Variants in USP16 observed in about 807,000 individuals in gnomAD.
The protein encoded by USP16 is ubiquitin specific peptidase 16.
In USP16, 77 loss-of-function variants were observed where a neutral mutation model predicts 95.9. The ratio of observed to expected loss-of-function variants is 0.80; its 90% CI spans 0.67 to 0.97. The LOEUF is 0.97. Ranked by LOEUF, USP16 falls within the 50% of genes least tolerant of loss-of-function variation. The probability of loss-of-function intolerance (pLI) is 0.00; values close to 1 mark genes in which losing one functional copy is unlikely to be tolerated. For synonymous variants in USP16, 303 were observed against 318.2 expected (o/e 0.95, Z 0.51); for missense variants, 943 against 959.9 (o/e 0.98, Z 0.23).
At position 29,039,167 on chromosome 21, in the gene USP16, A is replaced by C. The variant is rs2085206701; in HGVS notation, c.863+11A>C. ...TCAGGTCTGTAAAAAGTGAGTATCC[A>C]CTTCGATTGTGCTTTCAGTGCCTCA... On this transcript the variant is annotated intron_variant, in intron 8 of 17. Transcript: ENST00000399976. 6.7e-7 allele frequency: 1 copy of C among 1,498,948 alleles called. No individual in the cohort carries two copies. Among genetic ancestry groups the C allele is most frequent in the South Asian group, 1.4e-5 (1 of 69,234 alleles). 92.9% of individuals were successfully genotyped at this position (1,498,948 alleles called of 1,614,324 possible). A position where few individuals can be genotyped will look rare whatever the true frequency, so the allele number is the denominator to read the frequency against.
intron 9 of USP16, among the ~76,000 whole-genome samples, chr21:29,040,138 C>T (rs1030044194): frequency 5.3e-5 from 8 of 152,142 alleles, no homozygotes; most frequent in South Asian, 4.1e-4. Flanking sequence ...TCCCTTACTT[C>T]GTTCTCACAA....
At chr21:29,036,604 A>G (rs2085160295) in intron 5 of USP16, among the ~76,000 whole-genome samples, 2 of 152,350 alleles carry the variant, frequency 1.3e-5, no homozygotes, top group Admixed American at 6.5e-5. Flanking sequence ...CATTAATGCT[A>G]AGACTAAGGT....
Position 29,047,092 on chromosome 21 carries a change from T to C in USP16, c.1782T>C (p.Ile594=). 4 of 1,614,054 alleles carry C rather than the reference T, an allele frequency of 2.5e-6. No individual in the cohort carries two copies. The highest frequency in any genetic ancestry group is 2.2e-5 in the East Asian group (1 of 44,870). ...ALHPDEINIE[I]LNDSHTPGTK... ...ATCCTGATGAAATAAATATAGAGAT[T>C]CTGAATGATAGTCATACTCCTGGAA... Residue 594 remains isoleucine (I), a synonymous_variant, in exon 14 of 18, where the codon ATT becomes ATC. Coordinates refer to ENST00000399976, the MANE Select transcript of USP16 (RefSeq NM_006447.3).
intron 4 of USP16, among the ~76,000 whole-genome samples, chr21:29,035,377 A>C (rs1266550364): frequency 4.6e-5 from 7 of 150,568 alleles, no homozygotes; most frequent in Non-Finnish European, 1.0e-4. Context: ...ACTGAATGAC[A>C]TCTTTTTTTT....
At chr21:29,032,413 C>G (rs9808746) in intron 3 of USP16, among the ~76,000 whole-genome samples, 135,785 of 152,074 alleles carry the variant, frequency 0.89, 60,953 homozygotes, top group African/African-American at 0.96. Flanking sequence ...TGTATTTTTT[C>G]TAAAGATGCG....
rs1450647523 is a variant in USP16 at position 29,043,583 on chromosome 21, C to T, written c.1340C>T (p.Ala447Val). 1.3e-6 allele frequency: 2 copies of T among 1,543,184 alleles called. No homozygotes were observed. Among genetic ancestry groups the T allele is most frequent in the Admixed American group, 4.4e-5 (2 of 45,342 alleles). ...KHLQKKAKKQ[A>V]KKQAKNQRRQ... Reference sequence around the variant, plus strand: ...TTACAGAAAAAAGCAAAGAAACAAGCCAAAAAGCAAGCCAAGGTGGGTAAT... The same window carrying T: ...TTACAGAAAAAAGCAAAGAAACAAGTCAAAAAGCAAGCCAAGGTGGGTAAT... Residue 447 changes from alanine to valine, a missense_variant, in exon 13 of 18, where the codon GCC becomes GTC. Coordinates refer to ENST00000399976, the MANE Select transcript of USP16 (RefSeq NM_006447.3).
In USP16 at chr21:29,037,382, T is replaced by C; in HGVS notation, c.555T>C (p.Pro185=). The C allele has an allele frequency of 6.2e-7, 1 of 1,610,036 alleles. No homozygotes were observed. Among genetic ancestry groups the C allele is most frequent in the Non-Finnish European group, 8.5e-7 (1 of 1,178,262 alleles). Residue 185 remains proline, a synonymous_variant, in exon 6 of 18, where the codon CCT becomes CCC. Transcript: ENST00000399976. ...EKKENMAKEN[P]PMNSPCQITV... Reference sequence around the variant, plus strand: ...AGGAAAACATGGCTAAAGAGAATCCTCCCATGAATTCTCCTTGCCAAATAA... The same window carrying C: ...AGGAAAACATGGCTAAAGAGAATCCCCCCATGAATTCTCCTTGCCAAATAA...
At chr21:29,052,087 A>G (rs1171661230) in intron 16 of USP16, 1 of 152,092 alleles carries the variant, frequency 6.6e-6, no homozygotes, top group Non-Finnish European at 1.5e-5. Flanking sequence ...GAAGTTCCCA[A>G]ACTTTAATGT....
rs768883111 is a variant in USP16 at position 29,039,136 on chromosome 21, C to CT, written c.847dup (p.Ser283PhefsTer5). ...AGGGGGTTGTGACACCGAAAGAACTCTTTTCTCAGGTCTGTAAAAAGTGAG... is the reference window on the plus strand; with the variant it reads ...AGGGGGTTGTGACACCGAAAGAACTCTTTTTCTCAGGTCTGTAAAAAGTGAG... On this transcript the variant is annotated frameshift_variant, in exon 8 of 18. Transcript: ENST00000399976. LOFTEE classifies it high-confidence loss of function. 2 of 1,577,894 alleles carry CT rather than the reference C, an allele frequency of 1.3e-6. No individual in the cohort carries two copies. The highest frequency in any genetic ancestry group is 2.3e-5 in the East Asian group (1 of 43,062).
intron 1 of USP16, among the ~76,000 whole-genome samples, chr21:29,027,396 C>T (rs148519682): frequency 1.3e-5 from 2 of 152,198 alleles, no homozygotes; most frequent in African/African-American, 4.8e-5. Context: ...TTTTCTAACT[C>T]CCTTCAGGAG....
At chr21:29,052,178 C>T (rs1177367327) in intron 16 of USP16, 1 of 152,122 alleles carries the variant, frequency 6.6e-6, no homozygotes, top group African/African-American at 2.4e-5. Context: ...AATGTAAACT[C>T]TCAGGTGATG....
In USP16 at chr21:29,054,368, C is replaced by T; in HGVS notation, c.*181C>T. On this transcript the variant is annotated 3_prime_UTR_variant, in exon 18 of 18. Coordinates refer to ENST00000399976, the MANE Select transcript of USP16 (RefSeq NM_006447.3). The stretch of plus-strand genomic sequence containing the variant: ...AAAATGTACAAAGGTTTTATATTGT[C>T]ATAGTGGTTTTTATTCCTGCTTTGT... 1 of 817,358 alleles carries T rather than the reference C, an allele frequency of 1.2e-6. No homozygotes were observed. The allele number at this position is 817,358 out of a possible 1,614,324, so 50.6% of individuals were successfully genotyped here.
Position 29,024,756 on chromosome 21 carries a change from G to C in USP16, c.-63G>C. The C allele has an allele frequency of 1.6e-6, 2 of 1,288,934 alleles. No individual in the cohort carries two copies. Among genetic ancestry groups the C allele is most frequent in the Non-Finnish European group, 2.0e-6 (2 of 988,712 alleles). 79.8% of individuals were successfully genotyped at this position (1,288,934 alleles called of 1,614,324 possible). A position where few individuals can be genotyped will look rare whatever the true frequency, so the allele number is the denominator to read the frequency against. On this transcript the variant is annotated 5_prime_UTR_variant, in exon 1 of 18. Transcript: ENST00000399976. ...GCCCAAAGGCCCATGAGGGGATGCA[G>C]TTATGGGCTCTGTCGCCGTGGGTGA... is the stretch of plus-strand genomic sequence containing the variant.
At chr21:29,045,256 C>G (rs1175885911) in intron 13 of USP16, among the ~76,000 whole-genome samples, 1 of 152,148 alleles carries the variant, frequency 6.6e-6, no homozygotes, top group African/African-American at 2.4e-5. Flanking sequence ...CTTCATTCTT[C>G]TGGTATTACA....
rs1390561691 is a variant in USP16, at chr21:29,030,793, T to A, written c.240+20T>A. 6.3e-7 allele frequency: 1 copy of A among 1,583,394 alleles called. No homozygotes were observed. The highest frequency in any genetic ancestry group is 8.6e-7 in the Non-Finnish European group (1 of 1,169,378). On this transcript the variant is annotated intron_variant, in intron 3 of 17. Transcript: ENST00000399976. ...CATCAGGTATGCTTACGTTTTAAGA[T>A]CAATATGGGATTTTAGAAAACTCTT...
At chr21:29,047,813 G>A (rs2146394961) in intron 14 of USP16, among the ~76,000 whole-genome samples, 1 of 151,828 alleles carries the variant, frequency 6.6e-6, no homozygotes, top group South Asian at 2.1e-4. Flanking sequence ...ATGTGGAGGG[G>A]CCATGGATTC....
At chr21:29,035,460 GC>G (rs2085140493) in intron 4 of USP16, among the ~76,000 whole-genome samples, 1 of 147,092 alleles carries the variant, frequency 6.8e-6, no homozygotes, top group South Asian at 2.2e-4. Context: ...CACAACCTCC[GC>G]CTCCCAGGTT....
intron 15 of USP16, 113 bp from the exon 16 acceptor site, chr21:29,049,979 T>C (rs2085389380): frequency 1.1e-6 from 1 of 923,108 alleles, no homozygotes; most frequent in African/African-American, 1.7e-5. Context: ...CCAAAGAAAA[T>C]TGAACTAGGA....
chr21:29,052,163 T>C (rs915271321), intron 16 of USP16: 1 of 152,220 alleles, frequency 6.6e-6, no homozygotes, highest in East Asian at 1.9e-4. Flanking sequence ...AAATTCTGCA[T>C]GTTTAATGTA....
Sources: gnomAD v4.1 joint callset for allele counts (sites outside exome capture counted in the v4.1 genomes callset) on GRCh38, gnomAD v4.1.1 for gene constraint, MANE v1.5 for transcripts, NCBI Gene and HGNC (gene_info 2026-07-23, HGNC 2026-07-21) for gene names.